The following DPH6 variants were observed in gnomAD, a reference collection of about 807,000 sequenced individuals.
DPH6 encodes diphthamine biosynthesis 6.
In DPH6, 33 loss-of-function variants were observed where a neutral mutation model predicts 38.2. That is an observed-to-expected ratio of 0.86 (90% CI 0.65 to 1.15). DPH6 has a LOEUF of 1.15. Among genes scored for constraint, DPH6 ranks in the 50% most tolerant of loss-of-function variants. The pLI is 0.00. For missense variants in DPH6, 325 were observed against 320.0 expected, an observed-to-expected ratio of 1.02 and a Z score of -0.12; for synonymous variants, 108 against 103.0, an observed-to-expected ratio of 1.05 and a Z score of -0.30.
intron 3 of DPH6, among the ~76,000 whole-genome samples, chr15:35,345,673 G>C (rs1392864585): frequency 6.6e-6 from 1 of 151,858 alleles, no homozygotes; most frequent in Non-Finnish European, 1.5e-5. Context: ...TCATGAATGA[G>C]ACTGATTTAT....
intron 3 of DPH6, among the ~76,000 whole-genome samples, chr15:35,455,507 C>T (rs561031499): frequency 8.2e-4 from 124 of 152,122 alleles, no homozygotes; most frequent in Non-Finnish European, 1.3e-3. Flanking sequence ...ATCAAGTTTG[C>T]AGAGGATACA....
In DPH6 at chr15:35,259,182, C is replaced by T. The variant is rs141104580; in HGVS notation, n.201-38600G>A. Among the ~76,000 whole-genome samples, 581 of 151,900 alleles carry T rather than the reference C, an allele frequency of 3.8e-3. 3 individuals are homozygous for T. Among genetic ancestry groups the T allele is most frequent in the Middle Eastern group, 0.021 (6 of 292 alleles). Reference sequence around the variant, plus strand: ...AAAAAGATTCCTACTAGGTGATCATCCCTTCCTTGCTTTCCCTTCTCGAAT... The same window carrying T: ...AAAAAGATTCCTACTAGGTGATCATTCCTTCCTTGCTTTCCCTTCTCGAAT... On this transcript the variant is annotated intron_variant and non_coding_transcript_variant, in intron 3 of 3. Transcript: ENST00000560386.
At chr15:35,395,274 C>T (rs1360562211) in intron 6 of DPH6, among the ~76,000 whole-genome samples, 7 of 152,108 alleles carry the variant, frequency 4.6e-5, no homozygotes, top group Non-Finnish European at 8.8e-5. Context: ...GGTTAAATAC[C>T]GTGAGCTCTC....
intron 3 of DPH6, among the ~76,000 whole-genome samples, chr15:35,516,753 C>G (rs1025634789): frequency 2.6e-5 from 4 of 152,264 alleles, no homozygotes; most frequent in African/African-American, 9.6e-5. Context: ...TCACATGCCA[C>G]ATAGTAACCC....
intron 3 of DPH6, among the ~76,000 whole-genome samples, chr15:35,496,222 T>A (rs1301835065): frequency 6.6e-6 from 1 of 152,030 alleles, no homozygotes; most frequent in African/African-American, 2.4e-5. Context: ...ATAAAAGATA[T>A]TTACAATACA....
intron 3 of DPH6, chr15:35,489,378 T>C (rs901236826): frequency 3.0e-6 from 3 of 985,296 alleles, no homozygotes; most frequent in African/African-American, 1.7e-5. Flanking sequence ...ATTAAATTTT[T>C]TTCTGTCCTT....
rs369947659 is a variant in DPH6, at chr15:35,289,359, T to C, written n.201-68777A>G. ...TACTTATAACATTAAAACTCAAACA[T>C]GGAGCAATTTGTAGCAATAACCATG... On this transcript the variant is annotated intron_variant and non_coding_transcript_variant, in intron 3 of 3. Transcript: ENST00000560386. Among the ~76,000 whole-genome samples, 85 of 152,346 alleles carry C rather than the reference T, an allele frequency of 5.6e-4. 1 individual carries two copies. The South Asian group carries it at 0.017, about 30-fold the overall frequency.
intron 3 of DPH6, among the ~76,000 whole-genome samples, chr15:35,495,163 T>C (rs1263893490): frequency 6.6e-6 from 1 of 152,186 alleles, no homozygotes; most frequent in Non-Finnish European, 1.5e-5. Flanking sequence ...GTACCTCAGA[T>C]GGTGACTGTA....
At chr15:35,378,017 G>A (rs968124435) in intron 7 of DPH6, among the ~76,000 whole-genome samples, 3 of 151,880 alleles carry the variant, frequency 2.0e-5, no homozygotes, top group East Asian at 3.9e-4. Context: ...TTACAGGCGT[G>A]AGCCACTGCA....
the DPH6 span, among the ~76,000 whole-genome samples, chr15:35,193,075 A>G: frequency 6.6e-6 from 1 of 152,236 alleles, no homozygotes; most frequent in Non-Finnish European, 1.5e-5. Flanking sequence ...TTATAATACT[A>G]AATTCTTATT....
chr15:35,333,554 C>T (rs554589534), intron 3 of DPH6, among the ~76,000 whole-genome samples: 29 of 152,036 alleles, frequency 1.9e-4, no homozygotes, highest in Non-Finnish European at 1.8e-4. Context: ...AATTAATAAC[C>T]TTGTCCAAAA....
chr15:35,329,008 G>T (rs577798898), downstream of DPH6, among the ~76,000 whole-genome samples: 136 of 152,306 alleles, frequency 8.9e-4, no homozygotes, highest in Non-Finnish European at 1.8e-3. Flanking sequence ...TGCAAGAACA[G>T]TACGCGGGAA....
At chr15:35,454,655 T>A (rs2053974227) in intron 4 of DPH6, 92 bp downstream of exon 4, 10 of 1,067,810 alleles carry the variant, frequency 9.4e-6, no homozygotes, top group Non-Finnish European at 1.4e-5. Context: ...CTACCATACC[T>A]ATTTATAATT....
At chr15:35,263,551 C>T (rs1233824894) in intron 3 of DPH6, among the ~76,000 whole-genome samples, 1 of 151,738 alleles carries the variant, frequency 6.6e-6, no homozygotes, top group African/African-American at 2.4e-5. Flanking sequence ...TACAGGCATC[C>T]ACCACGTCAC....
At chr15:35,454,859 G>A (rs768306559) in intron 3 of DPH6, 39 bp from the exon 4 acceptor site, 3 of 1,457,166 alleles carry the variant, frequency 2.1e-6, no homozygotes, top group Non-Finnish European at 2.8e-6. Flanking sequence ...TAAAAATAAA[G>A]TAACAAATGG....
At chr15:35,534,242 T>C (rs1430875621) in intron 3 of DPH6, among the ~76,000 whole-genome samples, 1 of 151,736 alleles carries the variant, frequency 6.6e-6, no homozygotes, top group African/African-American at 2.4e-5. Flanking sequence ...CCGGGCATGG[T>C]GGTGCATGCC....
chr15:35,380,531 C>T (rs2052850455), intron 7 of DPH6, among the ~76,000 whole-genome samples: 1 of 152,070 alleles, frequency 6.6e-6, no homozygotes, highest in Non-Finnish European at 1.5e-5. Flanking sequence ...GGCATGTTTT[C>T]CACTTATTGC....
chr15:35,341,286 T>C (rs1012077371), intron 3 of DPH6, among the ~76,000 whole-genome samples: 1 of 152,146 alleles, frequency 6.6e-6, no homozygotes, highest in Non-Finnish European at 1.5e-5. Flanking sequence ...TGTTTTTTCA[T>C]TATTCTTAGA....
chr15:35,236,367 G>A lies in DPH6; in HGVS notation n.201-15785C>T, dbSNP rs374131053. Among the ~76,000 whole-genome samples, 37 of 152,248 alleles carry A rather than the reference G, an allele frequency of 2.4e-4. 4 individuals are homozygous for A. Among genetic ancestry groups the A allele is most frequent in the East Asian group, 7.7e-4 (4 of 5,180 alleles). On this transcript the variant is annotated intron_variant and non_coding_transcript_variant, in intron 3 of 3. Transcript: ENST00000560386. Reference sequence around the variant, plus strand: ...AAAACCTCAAGTGTTGGCTGGGCGCGGTGGCTCACGCCTGTAATCCCAGCA... The same window carrying A: ...AAAACCTCAAGTGTTGGCTGGGCGCAGTGGCTCACGCCTGTAATCCCAGCA...
Sources: allele counts gnomAD v4.1 joint callset (sites outside exome capture counted in the v4.1 genomes callset), GRCh38; gene constraint gnomAD v4.1.1; transcripts MANE v1.5; gene names NCBI Gene and HGNC (gene_info 2026-07-23, HGNC 2026-07-21).